The following EYS variants were observed in gnomAD, a reference collection of about 807,000 sequenced individuals.
The protein encoded by EYS is protein eyes shut homolog.
In EYS, 250 loss-of-function variants were observed where a neutral mutation model predicts 282.1. The observed-to-expected ratio is 0.89, with a 90% confidence interval of 0.80 to 0.98. The LOEUF is 0.98. Ranked by LOEUF, EYS falls within the 50% of genes least tolerant of loss-of-function variation. The pLI is 0.00. For synonymous variants in EYS, 1,355 were observed against 1,282.9 expected, an observed-to-expected ratio of 1.06 and a Z score of -1.20; for missense variants, 4,016 against 3,709.0, an observed-to-expected ratio of 1.08 and a Z score of -2.15.
At chr6:64,111,881 A>G (rs1473497026) in intron 31 of EYS, among the ~76,000 whole-genome samples, 3 of 152,042 alleles carry the variant, frequency 2.0e-5, no homozygotes. Flanking sequence ...AATACCAAAT[A>G]CATTCTCATA....
intron 28 of EYS, among the ~76,000 whole-genome samples, chr6:64,391,397 G>C (rs1186268165): frequency 6.6e-6 from 1 of 152,148 alleles, no homozygotes; most frequent in East Asian, 1.9e-4. Context: ...TACCCTCCAA[G>C]GGAAGCCCAT....
In EYS at chr6:65,495,488, A is replaced by G; in HGVS notation, c.-78T>C. 6.7e-7 allele frequency: 1 copy of G among 1,501,128 alleles called. No homozygotes were observed. The highest frequency in any genetic ancestry group is 9.1e-7 in the Non-Finnish European group (1 of 1,099,044). The allele number at this position is 1,501,128 out of a possible 1,614,324, so 93.0% of individuals were successfully genotyped here. The stretch of plus-strand genomic sequence containing the variant: ...GTTTTAAGTATTACCGGAAATTTCC[A>G]AGTAAAGTTGTGGTTAAGGATTCCT... On this transcript the variant is annotated 5_prime_UTR_variant, in exon 4 of 43. Transcript: ENST00000503581.
At chr6:65,162,583 G>C (rs1396683297) in intron 12 of EYS, among the ~76,000 whole-genome samples, 1 of 150,858 alleles carries the variant, frequency 6.6e-6, no homozygotes, top group Admixed American at 6.6e-5. Flanking sequence ...AACTAATTCT[G>C]ATTACCACTT....
At chr6:63,950,205 A>C (rs942053939) in intron 35 of EYS, among the ~76,000 whole-genome samples, 1 of 151,832 alleles carries the variant, frequency 6.6e-6, no homozygotes, top group Admixed American at 6.6e-5. Context: ...AAAAAAAAAA[A>C]ACAAAAAAAA....
Position 64,813,396 on chromosome 6 carries a change from C to A in EYS, c.3425G>T (p.Gly1142Val), listed in dbSNP as rs1764653735. Residue 1142 changes from glycine (G) to valine (V), a missense_variant, in exon 22 of 43, where the codon GGA becomes GTA. Physicochemically the swap from Gly to Val is moderately radical, Grantham distance 109. Coordinates refer to ENST00000503581, the MANE Select transcript of EYS (RefSeq NM_001142800.2). The stretch of plus-strand genomic sequence containing the variant: ...TACTGACCTGCAGTCAAAAGTATGT[C>A]CAGGCCCATCAACACAGATCCCTCC... ...LNGGICVDGP[G>V]HTFDCRCLPG... is the part of the protein sequence containing the mutation. 6.5e-7 allele frequency: 1 copy of A among 1,547,124 alleles called. No homozygotes were observed. Among genetic ancestry groups the A allele is most frequent in the African/African-American group, 1.4e-5 (1 of 72,678 alleles).
intron 18 of EYS, among the ~76,000 whole-genome samples, chr6:64,896,770 G>A (rs1247777285): frequency 6.6e-6 from 1 of 151,996 alleles, no homozygotes; most frequent in Non-Finnish European, 1.5e-5. Context: ...TTGAGGGAGG[G>A]GCGTCTGCCA....
At chr6:64,392,152 C>T (rs1282836207) in intron 28 of EYS, among the ~76,000 whole-genome samples, 4 of 137,066 alleles carry the variant, frequency 2.9e-5, no homozygotes, top group Non-Finnish European at 4.8e-5. Context: ...TACAAAGAGA[C>T]TTAGACTCCC....
chr6:64,827,886 A>C (rs912944799), intron 19 of EYS, among the ~76,000 whole-genome samples: 2 of 151,898 alleles, frequency 1.3e-5, no homozygotes, highest in Non-Finnish European at 2.9e-5. Context: ...AAAAATTATG[A>C]AATGTAAAAA....
At chr6:63,993,794 A>G (rs544181177) in intron 34 of EYS, among the ~76,000 whole-genome samples, 101 of 152,076 alleles carry the variant, frequency 6.6e-4, no homozygotes, top group African/African-American at 2.4e-3. Flanking sequence ...AATTGAAAAA[A>G]CAATGCTGGA....
intron 22 of EYS, among the ~76,000 whole-genome samples, chr6:64,722,230 A>T (rs1771608242): frequency 6.6e-6 from 1 of 152,198 alleles, no homozygotes; most frequent in African/African-American, 2.4e-5. Flanking sequence ...ACAGATGGTG[A>T]GACTGTATAT....
chr6:64,785,399 C>T (rs553451041), intron 22 of EYS, among the ~76,000 whole-genome samples: 2 of 152,116 alleles, frequency 1.3e-5, no homozygotes. Context: ...AAAACTGTTT[C>T]ATTTCTTTGA....
chr6:64,320,042 A>G (rs920775904), intron 29 of EYS, among the ~76,000 whole-genome samples: 20 of 151,984 alleles, frequency 1.3e-4, no homozygotes, highest in African/African-American at 4.3e-4. Flanking sequence ...ATTAATTCAT[A>G]CTATTTTGAG....
intron 12 of EYS, among the ~76,000 whole-genome samples, chr6:65,170,967 T>C (rs967251493): frequency 1.8e-4 from 27 of 151,604 alleles, no homozygotes; most frequent in African/African-American, 4.8e-4. Flanking sequence ...AAGTGGCAAC[T>C]CTCTCCCTTG....
chr6:64,876,699 T>C (rs938906997), intron 19 of EYS, among the ~76,000 whole-genome samples: 1 of 152,116 alleles, frequency 6.6e-6, no homozygotes, highest in African/African-American at 2.4e-5. Flanking sequence ...ATAATGTAGG[T>C]AGGCTTGTAA....
intron 33 of EYS, among the ~76,000 whole-genome samples, chr6:64,025,126 C>T (rs957456091): frequency 4.6e-5 from 7 of 152,100 alleles, no homozygotes; most frequent in South Asian, 2.1e-4. Flanking sequence ...GCTAAATAAC[C>T]GGGCACCTGT....
chr6:64,429,825 T>C (rs1774522528), intron 28 of EYS, among the ~76,000 whole-genome samples: 1 of 152,152 alleles, frequency 6.6e-6, no homozygotes, highest in Non-Finnish European at 1.5e-5. Flanking sequence ...CAGGAACAAT[T>C]CCTTGGATGA....
At chr6:64,253,401 T>A (rs1341745667) in intron 30 of EYS, among the ~76,000 whole-genome samples, 6 of 152,166 alleles carry the variant, frequency 3.9e-5, no homozygotes, top group Non-Finnish European at 8.8e-5. Flanking sequence ...GAAAGTCACA[T>A]CTTCTCATTG....
chr6:64,246,047 G>A (rs79485548), intron 30 of EYS, among the ~76,000 whole-genome samples: 4,571 of 68,612 alleles, frequency 0.067, 2 homozygotes, highest in East Asian at 0.12. Context: ...AAAAAAAAAA[G>A]AATTTTGGGT....
chr6:63,877,352 T>TCAAAGCCTACAAAG (rs1256996237), intron 35 of EYS, among the ~76,000 whole-genome samples: 1 of 152,246 alleles, frequency 6.6e-6, no homozygotes, highest in Non-Finnish European at 1.5e-5. Flanking sequence ...GTTATTCTGA[T>TCAAAGCCTACAAAG]GGGCTTCCCT....
Sources: gnomAD v4.1 joint callset for allele counts (sites outside exome capture counted in the v4.1 genomes callset) on GRCh38, gnomAD v4.1.1 for gene constraint, MANE v1.5 for transcripts, NCBI Gene and HGNC (gene_info 2026-07-23, HGNC 2026-07-21) for gene names.